PGLYRP4: variants seen among roughly 807,000 people sequenced by gnomAD.
The protein encoded by PGLYRP4 is PGRP-I-beta.
PGLYRP4 carries 39 observed loss-of-function variants against 41.2 expected under a neutral mutation model. That is an observed-to-expected ratio of 0.95 (90% confidence interval 0.73 to 1.24). PGLYRP4 has a LOEUF of 1.24. Ranked by LOEUF, PGLYRP4 falls within the 50% of genes most tolerant of loss-of-function variation. PGLYRP4 has a pLI of 0.00. For missense variants in PGLYRP4, 467 were observed against 460.7 expected, an observed-to-expected ratio of 1.01 and a Z score of -0.13; for synonymous variants, 202 against 186.8, an observed-to-expected ratio of 1.08 and a Z score of -0.66.
At position 153,340,522 on chromosome 1, in the gene PGLYRP4, C is replaced by T. The variant is rs1268385828; in HGVS notation, c.683G>A (p.Arg228Lys). 6.2e-7 allele frequency: 1 copy of T among 1,614,162 alleles called. No individual in the cohort carries two copies. The highest frequency in any genetic ancestry group is 1.3e-5 in the African/African-American group (1 of 75,040). Residue 228 changes from arginine to lysine, a missense_variant, in exon 7 of 9, where the codon AGG (arginine) becomes AAG (lysine). By Grantham distance (26) the Arg-to-Lys change is conservative. Coordinates refer to ENST00000359650, the MANE Select transcript of PGLYRP4 (RefSeq NM_020393.4). ...VWGARETHCP[R>K]MTLPAKYGII... ...GCCATACTTCGCTGGGAGAGTCATCCTGGGACAGTGGGTCTCCCTGGCTCC... is the reference window on the plus strand; with the variant it reads ...GCCATACTTCGCTGGGAGAGTCATCTTGGGACAGTGGGTCTCCCTGGCTCC...
rs374845383 is a variant in PGLYRP4, at chr1:153,343,220, G to A, written c.354-12C>T. On this transcript the variant is annotated splice_polypyrimidine_tract_variant and intron_variant, in intron 4 of 8. Coordinates refer to ENST00000359650, the MANE Select transcript of PGLYRP4 (RefSeq NM_020393.4). ...CCCCAACCAGGAAGCTATGGAGCAA[G>A]ATAATACAGGTTTCATGGCTGGCAC... 2.6e-6 allele frequency: 4 copies of A among 1,568,530 alleles called. No homozygotes were observed. The highest frequency in any genetic ancestry group is 1.4e-5 in the African/African-American group (1 of 74,034).
chr1:153,345,608 G>A (rs1221792017), intron 3 of PGLYRP4, among the ~76,000 whole-genome samples: 1 of 152,136 alleles, frequency 6.6e-6, no homozygotes, highest in African/African-American at 2.4e-5. Flanking sequence ...ATCCCATAAT[G>A]TCCCCTACTC....
At chr1:153,344,719 G>A (rs1438421089) in intron 4 of PGLYRP4, among the ~76,000 whole-genome samples, 2 of 152,168 alleles carry the variant, frequency 1.3e-5, no homozygotes, top group Non-Finnish European at 2.9e-5. Flanking sequence ...GTGGTGTGGA[G>A]GAGCACGCCA....
intron 5 of PGLYRP4, among the ~76,000 whole-genome samples, chr1:153,342,456 C>G (rs3006451): frequency 6.6e-6 from 1 of 152,062 alleles, no homozygotes; most frequent in Non-Finnish European, 1.5e-5. Flanking sequence ...TACCTGGACT[C>G]TCTCAAAAGG....
At chr1:153,347,405 T>C (rs1309839560) in intron 2 of PGLYRP4, among the ~76,000 whole-genome samples, 1 of 152,080 alleles carries the variant, frequency 6.6e-6, no homozygotes, top group African/African-American at 2.4e-5. Flanking sequence ...GTTCTCGCTC[T>C]GTCACCCAGG....
At chr1:153,335,115 C>G (rs1215085785) in intron 8 of PGLYRP4, among the ~76,000 whole-genome samples, 2 of 152,138 alleles carry the variant, frequency 1.3e-5, no homozygotes, top group Non-Finnish European at 2.9e-5. Context: ...CAGGGAAAAA[C>G]TCTTCTGGAC....
chr1:153,338,166 C>A (rs1660644897), intron 7 of PGLYRP4, among the ~76,000 whole-genome samples: 2 of 152,328 alleles, frequency 1.3e-5, no homozygotes, highest in South Asian at 2.1e-4. Flanking sequence ...TGGTCACCCA[C>A]CCACCCATTG....
chr1:153,344,772 T>A (rs1184802238), intron 4 of PGLYRP4, among the ~76,000 whole-genome samples: 1 of 152,130 alleles, frequency 6.6e-6, no homozygotes. Context: ...TCCATAGATA[T>A]GTGACCTCAA....
At chr1:153,331,073 C>CAA in intron 8 of PGLYRP4, 128 bp from the exon 9 acceptor site, 1 of 627,504 alleles carries the variant, frequency 1.6e-6, no homozygotes, top group Non-Finnish European at 2.5e-6. Context: ...TAGAGACAGG[C>CAA]AAAAAAAACA....
chr1:153,335,045 C>G (rs936460108), intron 8 of PGLYRP4, among the ~76,000 whole-genome samples: 35 of 152,024 alleles, frequency 2.3e-4, no homozygotes, highest in African/African-American at 8.2e-4. Context: ...AACATTAACT[C>G]AAGATGGATT....
intron 7 of PGLYRP4, among the ~76,000 whole-genome samples, chr1:153,338,211 C>T (rs572556417): frequency 6.6e-6 from 1 of 152,340 alleles, no homozygotes; most frequent in South Asian, 2.1e-4. Flanking sequence ...AGCCCACCCA[C>T]TTCATCCACT....
chr1:153,342,889 G>A (rs939534595), intron 5 of PGLYRP4, among the ~76,000 whole-genome samples: 1 of 152,184 alleles, frequency 6.6e-6, no homozygotes, highest in African/African-American at 2.4e-5. Context: ...TGAGAAGGAA[G>A]CCAGGGCAGT....
rs1266295514 is a variant in PGLYRP4 at position 153,330,848 on chromosome 1, G to T, written c.1041C>A (p.Gly347=). ...ACAAGGTTCGGGCCACATCACTGTGGCCCACCAGCAGGTAGTTGGGAGTCA... is the reference window on the plus strand; with the variant it reads ...ACAAGGTTCGGGCCACATCACTGTGTCCCACCAGCAGGTAGTTGGGAGTCA... ...GYLTPNYLLV[G]HSDVARTLSP... is the part of the protein sequence containing the mutation. The change falls in exon 9 of 9, where the codon GGC becomes GGA. Residue 347 remains glycine (G), a synonymous_variant. Transcript: ENST00000359650. 6.2e-7 allele frequency: 1 copy of T among 1,613,896 alleles called. No individual in the cohort carries two copies. The highest frequency in any genetic ancestry group is 1.1e-5 in the South Asian group (1 of 91,066).
intron 3 of PGLYRP4, among the ~76,000 whole-genome samples, chr1:153,345,671 T>C (rs1660981336): frequency 6.6e-6 from 1 of 152,208 alleles, no homozygotes; most frequent in South Asian, 2.1e-4. Context: ...CATCACCTGC[T>C]TATCCCTGGG....
rs1470451414 is a variant in PGLYRP4, at chr1:153,337,123, T to A, written c.943+58A>T. The A allele has an allele frequency of 8.3e-6, 10 of 1,200,052 alleles. 1 individual carries two copies. Among genetic ancestry groups the A allele is most frequent in the Non-Finnish European group, 1.2e-5 (10 of 803,864 alleles). The allele number at this position is 1,200,052 out of a possible 1,614,324, so 74.3% of individuals were successfully genotyped here. A position where few individuals can be genotyped will look rare whatever the true frequency, so the allele number is the denominator to read the frequency against. Reference sequence around the variant, plus strand: ...TGAGACTGAGACTTTGTCTTCCATGTCAGATGCTCTCTTTCAAATACCATG... The same window carrying A: ...TGAGACTGAGACTTTGTCTTCCATGACAGATGCTCTCTTTCAAATACCATG... On this transcript the variant is annotated intron_variant, in intron 8 of 8. Coordinates refer to ENST00000359650, the MANE Select transcript of PGLYRP4 (RefSeq NM_020393.4).
chr1:153,333,651 G>A lies in PGLYRP4; in HGVS notation c.944-2706C>T, dbSNP rs76534039. Among the ~76,000 whole-genome samples the A allele has an allele frequency of 7.0e-3, 1,069 of 152,124 alleles. 15 individuals are homozygous for A. The highest frequency in any genetic ancestry group is 0.024 in the African/African-American group (1,009 of 41,488). ...CAGGCCAATAGCCCTGATTAATATC[G>A]ATGCAAAAGTTCACAACAAAAATCT... On this transcript the variant is annotated intron_variant, in intron 8 of 8. Coordinates refer to ENST00000359650, the MANE Select transcript of PGLYRP4 (RefSeq NM_020393.4).
At chr1:153,334,863 T>C (rs1211413742) in intron 8 of PGLYRP4, among the ~76,000 whole-genome samples, 2 of 151,972 alleles carry the variant, frequency 1.3e-5, no homozygotes, top group Non-Finnish European at 2.9e-5. Flanking sequence ...GATACATAGA[T>C]CAATGGAACA....
chr1:153,346,274 T>C, intron 2 of PGLYRP4, 83 bp from the exon 3 acceptor site: 1 of 1,016,540 alleles, frequency 9.8e-7, no homozygotes. Context: ...GAAACAGCCA[T>C]CCCCTCTCCA....
At position 153,330,945 on chromosome 1, in the gene PGLYRP4, C is replaced by A. The variant is rs372129452; in HGVS notation, c.944G>T (p.Gly315Val). ...TAGTGCTGCAGCATTGGGTGGTATA[C>A]CTGCAAAACACAGCAGCCCATTGTC... ...LGITFMGTFT[G>V]IPPNAAALEA... Residue 315 changes from glycine (G) to valine (V), a missense_variant and splice_region_variant, in exon 9 of 9, where the codon GGT becomes GTT. Coordinates refer to ENST00000359650, the MANE Select transcript of PGLYRP4 (RefSeq NM_020393.4). 2.5e-6 allele frequency: 4 copies of A among 1,610,674 alleles called. No homozygotes were observed. The highest frequency in any genetic ancestry group is 1.3e-5 in the African/African-American group (1 of 74,868).
Sources: gnomAD v4.1 joint callset for allele counts (sites outside exome capture counted in the v4.1 genomes callset) on GRCh38, gnomAD v4.1.1 for gene constraint, MANE v1.5 for transcripts, NCBI Gene and HGNC (gene_info 2026-07-23, HGNC 2026-07-21) for gene names.